The following TBCK variants were observed in gnomAD, a reference collection of about 807,000 sequenced individuals.
TBCK encodes TBC domain-containing protein kinase-like protein.
In TBCK, 99 loss-of-function variants were observed where a neutral mutation model predicts 113.4. The observed-to-expected ratio is 0.87, with a 90% CI of 0.74 to 1.03. The LOEUF is 1.03. Among genes scored for constraint, TBCK ranks in the 50% least tolerant of loss-of-function variants. TBCK has a pLI of 0.00. For synonymous variants in TBCK, 369 were observed against 370.8 expected, an observed-to-expected ratio of 1.00 and a Z score of 0.05; for missense variants, 1,045 against 1,061.3, an observed-to-expected ratio of 0.98 and a Z score of 0.21.
chr4:106,117,729 G>A (rs1158775205), intron 23 of TBCK, among the ~76,000 whole-genome samples: 1 of 152,120 alleles, frequency 6.6e-6, no homozygotes. Flanking sequence ...AACACTTTAG[G>A]CTGGGCGCGG....
chr4:106,207,118 C>T (rs1485990491), intron 20 of TBCK, among the ~76,000 whole-genome samples: 3 of 152,102 alleles, frequency 2.0e-5, no homozygotes, highest in African/African-American at 4.8e-5. Flanking sequence ...ATAAATATCA[C>T]CCTGTCTCCA....
At chr4:106,233,749 C>A in intron 15 of TBCK, 99 bp from the exon 16 acceptor site, 1 of 879,700 alleles carries the variant, frequency 1.1e-6, no homozygotes, top group Non-Finnish European at 1.7e-6. Context: ...CTTTGGAAAC[C>A]TACCCAACTA....
intron 3 of TBCK, among the ~76,000 whole-genome samples, chr4:106,292,345 G>A (rs937065843): frequency 6.6e-6 from 1 of 152,080 alleles, no homozygotes; most frequent in East Asian, 1.9e-4. Flanking sequence ...GCTGAGGTGC[G>A]TGGATCATGA....
chr4:106,049,111 A>G (rs1436787664), intron 25 of TBCK, among the ~76,000 whole-genome samples: 3 of 152,122 alleles, frequency 2.0e-5, no homozygotes, highest in African/African-American at 7.2e-5. Context: ...TGGCAGTGAA[A>G]CCACGACTGC....
intron 19 of TBCK, among the ~76,000 whole-genome samples, chr4:106,223,633 C>A (rs949331046): frequency 2.6e-5 from 4 of 152,204 alleles, no homozygotes; most frequent in Admixed American, 2.6e-4. Context: ...GGGAAACTTT[C>A]TCCTAATTTC....
intron 24 of TBCK, among the ~76,000 whole-genome samples, chr4:106,105,876 T>A (rs1453230978): frequency 1.3e-5 from 2 of 152,206 alleles, no homozygotes; most frequent in African/African-American, 2.4e-5. Context: ...AATGACTGCA[T>A]CAGTCCTCCA....
chr4:106,183,984 C>T (rs1324798107), intron 22 of TBCK, among the ~76,000 whole-genome samples: 3 of 151,874 alleles, frequency 2.0e-5, no homozygotes. Context: ...AAAAAAGAGC[C>T]ATTCTAAATA....
intron 23 of TBCK, among the ~76,000 whole-genome samples, chr4:106,123,385 A>G (rs1744711918): frequency 6.6e-6 from 1 of 152,222 alleles, no homozygotes; most frequent in Non-Finnish European, 1.5e-5. Context: ...ATACAAACAA[A>G]TGGAAGAACA....
intron 23 of TBCK, among the ~76,000 whole-genome samples, chr4:106,133,408 C>A (rs1432073047): frequency 6.6e-6 from 1 of 152,092 alleles, no homozygotes; most frequent in African/African-American, 2.4e-5. Context: ...AAACCTCTTT[C>A]CTTTATAAAT....
intron 24 of TBCK, among the ~76,000 whole-genome samples, chr4:106,100,347 C>T (rs1170560621): frequency 6.6e-6 from 1 of 151,568 alleles, no homozygotes; most frequent in African/African-American, 2.4e-5. Flanking sequence ...AGCAAATATG[C>T]TAAGGTGCCT....
intron 5 of TBCK, among the ~76,000 whole-genome samples, chr4:106,252,453 C>A (rs1761541089): frequency 6.6e-6 from 1 of 151,850 alleles, no homozygotes; most frequent in Non-Finnish European, 1.5e-5. Context: ...ATCTCTACAC[C>A]CCTGTCATCC....
chr4:106,044,891 T>C lies in TBCK; in HGVS notation c.*1679A>G, dbSNP rs957615527. 7 of 152,208 alleles carry C rather than the reference T, an allele frequency of 4.6e-5. No homozygotes were observed. Among genetic ancestry groups the C allele is most frequent in the Admixed American group, 2.6e-4 (4 of 15,282 alleles). 9.4% of individuals were successfully genotyped at this position (152,208 alleles called of 1,614,324 possible). On this transcript the variant is annotated 3_prime_UTR_variant, in exon 26 of 26. Coordinates refer to ENST00000394708, the MANE Select transcript of TBCK (RefSeq NM_001163435.3). ...CCAGAAAGCTGAATTGAGGCTCTTA[T>C]TGAAATGTTCTGCCTAGGCAGTCTT... is the stretch of plus-strand genomic sequence containing the variant.
intron 22 of TBCK, among the ~76,000 whole-genome samples, chr4:106,178,915 T>A (rs1382974052): frequency 2.0e-5 from 3 of 151,964 alleles, no homozygotes; most frequent in Non-Finnish European, 4.4e-5. Flanking sequence ...ATCTTGTTAT[T>A]AATTGTTGAT....
chr4:106,161,998 T>C (rs1380163354), intron 23 of TBCK, among the ~76,000 whole-genome samples: 2 of 152,074 alleles, frequency 1.3e-5, no homozygotes, highest in Non-Finnish European at 2.9e-5. Flanking sequence ...AACTCAAAAG[T>C]CCACAGTCCA....
chr4:106,111,299 A>G (rs908639558), intron 24 of TBCK, among the ~76,000 whole-genome samples: 5 of 152,226 alleles, frequency 3.3e-5, no homozygotes, highest in African/African-American at 9.6e-5. Context: ...TGCATGACTT[A>G]CGTGCTATTG....
chr4:106,216,802 G>A (rs1215192023), intron 19 of TBCK, among the ~76,000 whole-genome samples: 3 of 150,814 alleles, frequency 2.0e-5, no homozygotes, highest in Non-Finnish European at 4.5e-5. Flanking sequence ...GGAGGAACTG[G>A]TACCATTCCT....
At chr4:106,086,219 A>G (rs1461255886) in intron 25 of TBCK, among the ~76,000 whole-genome samples, 1 of 152,206 alleles carries the variant, frequency 6.6e-6, no homozygotes, top group Non-Finnish European at 1.5e-5. Flanking sequence ...GAGAAGAATC[A>G]AATAGACAGG....
intron 25 of TBCK, among the ~76,000 whole-genome samples, chr4:106,056,251 AG>A (rs1274241433): frequency 1.3e-5 from 2 of 150,388 alleles, no homozygotes; most frequent in Non-Finnish European, 3.0e-5. Flanking sequence ...GGAGACTTTA[AG>A]GTCTTTTTTT....
intron 3 of TBCK, among the ~76,000 whole-genome samples, chr4:106,270,749 T>C (rs1001917023): frequency 2.0e-5 from 3 of 152,200 alleles, no homozygotes; most frequent in African/African-American, 7.2e-5. Flanking sequence ...TATGGATTGC[T>C]TATTACAGCA....
Sources: allele counts gnomAD v4.1 joint callset (sites outside exome capture counted in the v4.1 genomes callset), GRCh38; gene constraint gnomAD v4.1.1; transcripts MANE v1.5; gene names NCBI Gene and HGNC (gene_info 2026-07-23, HGNC 2026-07-21).